Variants in DLGAP4 observed in about 807,000 individuals in gnomAD.
DLGAP4 encodes the protein disks large-associated protein 4.
DLGAP4 carries 18 observed loss-of-function variants against 86.9 expected under a neutral mutation model. The ratio of observed to expected loss-of-function variants is 0.21; its 90% CI spans 0.14 to 0.31. The LOEUF (loss-of-function observed/expected upper bound fraction) is 0.31. DLGAP4 is among the 10% of genes least tolerant of loss of function. The probability of loss-of-function intolerance (pLI) is 1.00; values close to 1 mark genes in which losing one functional copy is unlikely to be tolerated. For missense variants in DLGAP4, 1,085 were observed against 1,362.6 expected, an observed-to-expected ratio of 0.80 and a Z score of 3.21; for synonymous variants, 548 against 574.3, an observed-to-expected ratio of 0.95 and a Z score of 0.65.
chr20:36,463,337 T>G (rs915912633), intron 7 of DLGAP4, among the ~76,000 whole-genome samples: 1 of 152,214 alleles, frequency 6.6e-6, no homozygotes, highest in Non-Finnish European at 1.5e-5. Context: ...ATGAAACATC[T>G]GTAGACACGC....
At chr20:36,330,519 C>T (rs1043419552) in intron 1 of DLGAP4, among the ~76,000 whole-genome samples, 6 of 151,750 alleles carry the variant, frequency 4.0e-5, no homozygotes, top group African/African-American at 1.5e-4. Flanking sequence ...TCTATGGGAC[C>T]TACTTCATAG....
At position 36,527,111 on chromosome 20, in the gene DLGAP4, C is replaced by A. The variant is rs1017851969; in HGVS notation, c.*80C>A. The A allele has an allele frequency of 3.6e-6, 5 of 1,387,866 alleles. No homozygotes were observed. In the African/African-American group the frequency reaches 7.2e-5, roughly 20 times the overall value. The allele number at this position is 1,387,866 out of a possible 1,614,324, so 86.0% of individuals were successfully genotyped here. A position where few individuals can be genotyped will look rare whatever the true frequency, so the allele number is the denominator to read the frequency against. The stretch of plus-strand genomic sequence containing the variant: ...TGCGAACGGAACAGAGTTTTCTCAA[C>A]CTTTGCTATGGTTATTCTGTCTAGA... On this transcript the variant is annotated 3_prime_UTR_variant, in exon 13 of 13. Coordinates refer to ENST00000339266, the MANE Select transcript of DLGAP4 (RefSeq NM_001365621.2).
chr20:36,452,982 G>A (rs575400840), intron 7 of DLGAP4, among the ~76,000 whole-genome samples: 26 of 151,854 alleles, frequency 1.7e-4, no homozygotes, highest in Admixed American at 1.1e-3. Context: ...GCAGGCATGC[G>A]CCACCATGCC....
chr20:36,468,233 A>G (rs1219515287), intron 7 of DLGAP4, among the ~76,000 whole-genome samples: 3 of 152,216 alleles, frequency 2.0e-5, no homozygotes, highest in African/African-American at 4.8e-5. Flanking sequence ...GATAGTAGGC[A>G]TGTCCACCAC....
intron 1 of DLGAP4, among the ~76,000 whole-genome samples, chr20:36,356,831 G>T (rs1227118683): frequency 6.6e-6 from 1 of 152,092 alleles, no homozygotes; most frequent in Non-Finnish European, 1.5e-5. Context: ...TTAGTATTCA[G>T]TATATCCCCC....
chr20:36,488,199 C>CAAA (rs1287983679), intron 7 of DLGAP4, among the ~76,000 whole-genome samples: 1 of 62,370 alleles, frequency 1.6e-5, no homozygotes, highest in Non-Finnish European at 3.3e-5. Flanking sequence ...GACTCTGTCT[C>CAAA]AAAAAAAAAA....
intron 2 of DLGAP4, among the ~76,000 whole-genome samples, chr20:36,369,865 G>A (rs1474695991): frequency 6.6e-6 from 1 of 152,168 alleles, no homozygotes; most frequent in Non-Finnish European, 1.5e-5. Context: ...TGTTTGCTAA[G>A]CATTTTTTAT....
chr20:36,446,907 G>C lies in DLGAP4; in HGVS notation c.1618G>C (p.Gly540Arg). 1.2e-6 allele frequency: 2 copies of C among 1,611,812 alleles called. No individual in the cohort carries two copies. Among genetic ancestry groups the C allele is most frequent in the Non-Finnish European group, 1.7e-6 (2 of 1,178,738 alleles). ...LQSLSPPPST[G>R]SLSNSRTLPS... ...GTCCCTCTCCCCACCGCCCAGTACCGGCAGCCTCAGCAATAGTCGCACGCT... is the reference window on the plus strand; with the variant it reads ...GTCCCTCTCCCCACCGCCCAGTACCCGCAGCCTCAGCAATAGTCGCACGCT... Residue 540 changes from glycine to arginine, a missense_variant, in exon 7 of 13, where the codon GGC (glycine) becomes CGC (arginine). By Grantham distance (125) the Gly-to-Arg change is moderately radical. Transcript: ENST00000339266.
chr20:36,318,807 C>CT (rs2065137611), intron 1 of DLGAP4, among the ~76,000 whole-genome samples: 1 of 152,134 alleles, frequency 6.6e-6, no homozygotes, highest in South Asian at 2.1e-4. Context: ...TGATGACTAG[C>CT]TGTTCTAATG....
intron 10 of DLGAP4, among the ~76,000 whole-genome samples, chr20:36,516,209 C>T (rs2037025065): frequency 1.3e-5 from 2 of 152,216 alleles, no homozygotes; most frequent in South Asian, 4.1e-4. Flanking sequence ...AAAAGGTCCA[C>T]ACAGATCACT....
chr20:36,332,920 G>A (rs1016380454), intron 1 of DLGAP4, among the ~76,000 whole-genome samples: 4 of 152,150 alleles, frequency 2.6e-5, no homozygotes, highest in Admixed American at 2.6e-4. Context: ...TATATTCATG[G>A]AGCTTCAAAG....
chr20:36,488,955 C>G (rs373237076), intron 7 of DLGAP4, among the ~76,000 whole-genome samples: 2 of 152,318 alleles, frequency 1.3e-5, no homozygotes, highest in African/African-American at 4.8e-5. Context: ...ATGGATGAAG[C>G]GTACCTAACA....
rs1555889698 is a variant in DLGAP4 at position 36,308,777 on chromosome 20, T to A, written c.-304+2265T>A. Among the ~76,000 whole-genome samples the A allele has an allele frequency of 6.6e-6, 1 of 152,218 alleles. No individual in the cohort carries two copies. Among genetic ancestry groups the A allele is most frequent in the East Asian group, 1.9e-4 (1 of 5,204 alleles). ...CCTCCTATACTTCCGTGATGGGTAT[T>A]CATTCATTCAGAAAAGCATTAGAAA... is the stretch of plus-strand genomic sequence containing the variant. On this transcript the variant is annotated intron_variant, in intron 1 of 12. Coordinates refer to ENST00000339266, the MANE Select transcript of DLGAP4 (RefSeq NM_001365621.2). This position sits in a 1 kb window ranked among gnomAD's most constrained non-coding sequence, Gnocchi z 4.5.
At chr20:36,447,903 G>T (rs867591218) in intron 7 of DLGAP4, among the ~76,000 whole-genome samples, 1,265 of 125,898 alleles carry the variant, frequency 0.01, 39 homozygotes, top group African/African-American at 0.037. Context: ...CAGGGGGGTG[G>T]GGGGGGGGGA....
chr20:36,442,712 C>A lies in DLGAP4; in HGVS notation c.1357-15C>A, dbSNP rs1272865071. The A allele has an allele frequency of 3.1e-6, 5 of 1,614,200 alleles. No individual in the cohort carries two copies. Among genetic ancestry groups the A allele is most frequent in the Non-Finnish European group, 4.2e-6 (5 of 1,180,042 alleles). ...CCCTGGTCCTTCCATAACCCTCACC[C>A]TCTCTTTCCTGCAGATTTTTGGACA... On this transcript the variant is annotated splice_polypyrimidine_tract_variant and intron_variant, in intron 5 of 12. Coordinates refer to ENST00000339266, the MANE Select transcript of DLGAP4 (RefSeq NM_001365621.2).
At chr20:36,477,165 C>T (rs951178403) in intron 7 of DLGAP4, among the ~76,000 whole-genome samples, 3 of 150,526 alleles carry the variant, frequency 2.0e-5, no homozygotes, top group East Asian at 2.0e-4. Context: ...GGCACAATTT[C>T]GGCTCCCTGC....
rs140321302 is a variant in DLGAP4 at position 36,470,294 on chromosome 20, C to T, written c.1648+23357C>T. On this transcript the variant is annotated intron_variant, in intron 7 of 12. Coordinates refer to ENST00000339266, the MANE Select transcript of DLGAP4 (RefSeq NM_001365621.2). ...TTCCCACAGTCTTCCCTGGCACTCT[C>T]CTCCACACCCCAGAGCCCCACAGTG... Among the ~76,000 whole-genome samples the T allele has an allele frequency of 2.6e-4, 40 of 152,302 alleles. No individual in the cohort carries two copies. In the East Asian group the frequency reaches 6.6e-3, roughly 25 times the overall value.
chr20:36,327,274 A>G (rs1433974216), intron 1 of DLGAP4, among the ~76,000 whole-genome samples: 2 of 152,128 alleles, frequency 1.3e-5, no homozygotes, highest in African/African-American at 2.4e-5. Flanking sequence ...TGCTGGGATT[A>G]CAGGCATGAG....
chr20:36,472,993 A>T (rs1035078573), intron 7 of DLGAP4: 1 of 152,230 alleles, frequency 6.6e-6, no homozygotes, highest in Non-Finnish European at 1.5e-5. Context: ...AGCCAGTAGG[A>T]TGGGTTCTCT....
Sources: gnomAD v4.1 joint callset for allele counts (sites outside exome capture counted in the v4.1 genomes callset) on GRCh38, gnomAD v4.1.1 for gene constraint, Gnocchi (gnomAD v3.1) non-coding constraint, MANE v1.5 for transcripts, NCBI Gene and HGNC (gene_info 2026-07-23, HGNC 2026-07-21) for gene names.